The following EDNRB variants were observed in gnomAD, a reference collection of about 807,000 sequenced individuals.
EDNRB encodes the protein endothelin receptor type B.
A neutral mutation model predicts 46.4 loss-of-function variants in EDNRB; 18 were observed. The ratio of observed to expected loss-of-function variants is 0.39; its 90% CI spans 0.27 to 0.57. The LOEUF is 0.57. Ranked by LOEUF, EDNRB falls within the 20% of genes least tolerant of loss-of-function variation. EDNRB has a pLI of 0.61. For missense variants in EDNRB, 434 were observed against 537.5 expected, an observed-to-expected ratio of 0.81 and a Z score of 1.90; for synonymous variants, 213 against 204.9, an observed-to-expected ratio of 1.04 and a Z score of -0.34.
intron 1 of EDNRB, among the ~76,000 whole-genome samples, chr13:77,961,581 A>G (rs7323965): frequency 7.0e-4 from 107 of 152,302 alleles, no homozygotes; most frequent in African/African-American, 2.5e-3. Flanking sequence ...TTTGAAACCA[A>G]TGAGAACAAA....
At chr13:77,975,271 A>C (rs543866834) in intron 1 of EDNRB, 1 of 152,492 alleles carries the variant, frequency 6.6e-6, no homozygotes, top group South Asian at 2.1e-4. Flanking sequence ...CCAAAGTGCC[A>C]ATAAAGGCAC....
chr13:77,965,817 A>G (rs1881564905), intron 1 of EDNRB, among the ~76,000 whole-genome samples: 1 of 152,154 alleles, frequency 6.6e-6, no homozygotes, highest in Non-Finnish European at 1.5e-5. Flanking sequence ...TAAGTAAGGC[A>G]GCCTATAGTA....
intron 1 of EDNRB, among the ~76,000 whole-genome samples, chr13:77,933,314 AAG>A (rs1380766950): frequency 1.1e-3 from 174 of 152,328 alleles, no homozygotes; most frequent in African/African-American, 4.0e-3. Flanking sequence ...TGAGTCCGAA[AAG>A]AGAGTCAGCG....
intron 1 of EDNRB, among the ~76,000 whole-genome samples, chr13:77,936,718 G>C (rs969594561): frequency 2.0e-5 from 3 of 152,234 alleles, no homozygotes; most frequent in African/African-American, 7.2e-5. Context: ...GATGGGACAT[G>C]GCTTAGGAGG....
chr13:77,970,540 A>G (rs531225905), intron 1 of EDNRB, among the ~76,000 whole-genome samples: 6 of 152,216 alleles, frequency 3.9e-5, no homozygotes, highest in African/African-American at 1.2e-4. Context: ...CATAAGTAGC[A>G]GGCCTATAAT....
In EDNRB at chr13:77,918,795, G is replaced by A. The variant is rs201434851; in HGVS notation, c.-222C>T. 3.7e-5 allele frequency: 49 copies of A among 1,321,202 alleles called. No homozygotes were observed. In the Admixed American group the frequency reaches 5.0e-4, roughly 14 times the overall value. The allele number at this position is 1,321,202 out of a possible 1,614,324, so 81.8% of individuals were successfully genotyped here. ...CGCTCATGACTCGCCAGCGCGGGTC[G>A]AAACTCCTTCCTGATGCCCTCTCAG... is the stretch of plus-strand genomic sequence containing the variant. On this transcript the variant is annotated 5_prime_UTR_variant, in exon 1 of 7. Transcript: ENST00000646607. The surrounding 1 kb of genome is among the most constrained non-coding windows in gnomAD (Gnocchi z 4.5).
At chr13:77,905,114 C>T (rs1474714025) in intron 1 of EDNRB, among the ~76,000 whole-genome samples, 2 of 151,908 alleles carry the variant, frequency 1.3e-5, no homozygotes, top group African/African-American at 2.4e-5. Context: ...TGAAGACCTA[C>T]AGGGCCAGGC....
intron 1 of EDNRB, among the ~76,000 whole-genome samples, chr13:77,950,843 T>C (rs1566333876): frequency 6.6e-6 from 1 of 152,148 alleles, no homozygotes; most frequent in Non-Finnish European, 1.5e-5. Flanking sequence ...CTGGTCCCAG[T>C]GTTCAAGAAT....
At chr13:77,943,011 G>T (rs1197477672) in intron 1 of EDNRB, among the ~76,000 whole-genome samples, 1 of 152,052 alleles carries the variant, frequency 6.6e-6, no homozygotes, top group Non-Finnish European at 1.5e-5. Context: ...GAAACGTTTA[G>T]CCTGCCATTT....
intron 1 of EDNRB, 128 bp from the exon 2 acceptor site, chr13:77,903,735 A>C: frequency 1.3e-6 from 1 of 788,930 alleles, no homozygotes; most frequent in Non-Finnish European, 2.1e-6. Context: ...TTTCTCATGG[A>C]CTACTTCTTT....
intron 1 of EDNRB, among the ~76,000 whole-genome samples, chr13:77,963,863 C>T (rs1267631081): frequency 1.3e-5 from 2 of 152,168 alleles, no homozygotes; most frequent in Non-Finnish European, 2.9e-5. Flanking sequence ...ATTTTTGCAA[C>T]CTACTCATCT....
chr13:77,909,368 A>G lies in EDNRB; in HGVS notation c.484-5761T>C, dbSNP rs565557624. Among the ~76,000 whole-genome samples, 26 of 152,180 alleles carry G rather than the reference A, an allele frequency of 1.7e-4. 1 individual carries two copies. The South Asian group carries it at 5.4e-3, about 32-fold the overall frequency. On this transcript the variant is annotated intron_variant, in intron 1 of 6. Transcript: ENST00000646607. ...TTGAGGGTTTTGTGAAGTGAATCCT[A>G]CAAAATCTCTCTAACCAGGGGATTT...
At chr13:77,900,676 AC>A in intron 4 of EDNRB, 22 bp from the exon 5 acceptor site, 1 of 1,611,824 alleles carries the variant, frequency 6.2e-7, no homozygotes, top group Non-Finnish European at 8.5e-7. Flanking sequence ...CCATAGTTTG[AC>A]CCTTAAAAGA....
chr13:77,966,353 G>A (rs906453588), intron 1 of EDNRB, among the ~76,000 whole-genome samples: 9 of 152,046 alleles, frequency 5.9e-5, no homozygotes, highest in Non-Finnish European at 1.2e-4. Context: ...CTTATATGTG[G>A]CACACAAACT....
rs78607960 is a variant in EDNRB, at chr13:77,896,800, A to G, written c.*1400T>C. 21 of 1,253,548 alleles carry G rather than the reference A, an allele frequency of 1.7e-5. No individual in the cohort carries two copies. In the East Asian group the frequency reaches 7.5e-4, roughly 45 times the overall value. 77.7% of individuals were successfully genotyped at this position (1,253,548 alleles called of 1,614,324 possible). On this transcript the variant is annotated 3_prime_UTR_variant, in exon 7 of 7. Coordinates refer to ENST00000646607, the MANE Select transcript of EDNRB (RefSeq NM_001122659.3). ...TCCTCTCTCTTCCGTTTTCTCTTGT[A>G]CATACTTTCACACACATCTCATCCC...
intron 6 of EDNRB, 153 bp downstream of exon 6, chr13:77,899,705 CA>C: frequency 3.1e-6 from 2 of 645,212 alleles, no homozygotes; most frequent in Non-Finnish European, 5.3e-6. Flanking sequence ...GATTTACAAG[CA>C]AAAGTTGTAT....
At chr13:77,929,027 C>A (rs141827876) in intron 1 of EDNRB, among the ~76,000 whole-genome samples, 1 of 152,266 alleles carries the variant, frequency 6.6e-6, no homozygotes, top group Non-Finnish European at 1.5e-5. Context: ...AAACGTTCAT[C>A]AGCTATAAAT....
chr13:77,961,789 C>T (rs1881420430), intron 1 of EDNRB, among the ~76,000 whole-genome samples: 1 of 152,068 alleles, frequency 6.6e-6, no homozygotes, highest in African/African-American at 2.4e-5. Flanking sequence ...CAGTGCAGAA[C>T]TGAAGGAGAT....
chr13:77,970,242 T>A (rs558709778), intron 1 of EDNRB, among the ~76,000 whole-genome samples: 1 of 152,308 alleles, frequency 6.6e-6, no homozygotes, highest in South Asian at 2.1e-4. Context: ...ATAAGAAATG[T>A]CAAATGTAAG....
Sources: allele counts gnomAD v4.1 joint callset (sites outside exome capture counted in the v4.1 genomes callset), GRCh38; gene constraint gnomAD v4.1.1; non-coding constraint Gnocchi (gnomAD v3.1); transcripts MANE v1.5; gene names NCBI Gene and HGNC (gene_info 2026-07-23, HGNC 2026-07-21).